The following RNASEH1 variants were observed in gnomAD, a reference collection of about 807,000 sequenced individuals.
RNASEH1 encodes the protein ribonuclease H1.
A neutral mutation model predicts 34.6 loss-of-function variants in RNASEH1; 27 were observed. The ratio of observed to expected loss-of-function variants is 0.78; its 90% CI spans 0.58 to 1.08. RNASEH1 has a LOEUF of 1.08. Ranked by LOEUF, RNASEH1 falls within the 50% of genes least tolerant of loss-of-function variation. The pLI, the probability that RNASEH1 is intolerant of heterozygous loss-of-function variation, is 0.00. For missense variants in RNASEH1, 349 were observed against 373.6 expected, an observed-to-expected ratio of 0.93 and a Z score of 0.54; for synonymous variants, 162 against 138.4, an observed-to-expected ratio of 1.17 and a Z score of -1.20.
At chr2:3,534,718 C>T in the RNASEH1 span, among the ~76,000 whole-genome samples, 20 of 152,352 alleles carry the variant, frequency 1.3e-4, no homozygotes, top group African/African-American at 2.6e-4. Flanking sequence ...ATCCTTGGGC[C>T]GAGTGAGGCC....
intron 5 of RNASEH1, 107 bp from the exon 6 acceptor site, chr2:3,548,831 TTC>T: frequency 2.5e-6 from 2 of 810,854 alleles, no homozygotes; most frequent in Non-Finnish European, 4.1e-6. Flanking sequence ...ACTGATTATA[TTC>T]TCTGTATGAA....
At chr2:3,534,618 C>T in the RNASEH1 span, among the ~76,000 whole-genome samples, 2 of 152,374 alleles carry the variant, frequency 1.3e-5, no homozygotes, top group African/African-American at 2.4e-5. Flanking sequence ...GCCGGCTGAG[C>T]GCGGATCCTG....
chr2:3,536,289 A>C, the RNASEH1 span, among the ~76,000 whole-genome samples: 1 of 152,210 alleles, frequency 6.6e-6, no homozygotes, highest in African/African-American at 2.4e-5. Flanking sequence ...GAGTCAGAGG[A>C]GCTGACTCGG....
chr2:3,551,939 G>C (rs550445630), intron 3 of RNASEH1, among the ~76,000 whole-genome samples: 35 of 152,312 alleles, frequency 2.3e-4, no homozygotes, highest in African/African-American at 5.5e-4. Context: ...TTACATGTAA[G>C]GGTTTTCCTA....
At chr2:3,554,138 G>A (rs1306540580) in intron 2 of RNASEH1, among the ~76,000 whole-genome samples, 2 of 152,156 alleles carry the variant, frequency 1.3e-5, no homozygotes, top group East Asian at 1.9e-4. Context: ...TAAGGGCGCC[G>A]GGCAACACTT....
intron 7 of RNASEH1, 71 bp from the exon 8 acceptor site, chr2:3,545,942 C>T: frequency 9.2e-7 from 1 of 1,089,102 alleles, no homozygotes; most frequent in South Asian, 1.3e-5. Context: ...ATATTGTCAT[C>T]ATAAAAAACC....
At position 3,548,968 on chromosome 2, in the gene RNASEH1, G is replaced by A. The variant is rs1669021711; in HGVS notation, c.564+90C>T. The A allele has an allele frequency of 3.7e-6, 4 of 1,066,868 alleles. No individual in the cohort carries two copies. In the South Asian group the frequency reaches 5.4e-5, roughly 14 times the overall value. The allele number at this position is 1,066,868 out of a possible 1,614,324, so 66.1% of individuals were successfully genotyped here. On this transcript the variant is annotated intron_variant, in intron 5 of 7. Transcript: ENST00000315212. ...CCGTCTCTCTTCAAATATCTTATAT[G>A]TATAGGTAGAAAAAAAAAGAATTAG...
intron 2 of RNASEH1, among the ~76,000 whole-genome samples, chr2:3,552,619 C>T (rs1320313245): frequency 2.7e-5 from 4 of 146,246 alleles, no homozygotes; most frequent in Non-Finnish European, 6.0e-5. Flanking sequence ...CCACCTCCAC[C>T]CCCTCCACAG....
chr2:3,548,204 C>CCAAAGCAA, intron 6 of RNASEH1, 149 bp from the exon 7 acceptor site: 1 of 891,820 alleles, frequency 1.1e-6, no homozygotes, highest in Non-Finnish European at 1.8e-6. Flanking sequence ...GTTGCTTTGG[C>CCAAAGCAA]CTTTGGCACA....
intron 2 of RNASEH1, among the ~76,000 whole-genome samples, chr2:3,555,208 T>C (rs1034198911): frequency 1.3e-5 from 2 of 150,890 alleles, no homozygotes; most frequent in African/African-American, 2.4e-5. Flanking sequence ...TTCTTTCCCC[T>C]TCCCTTAACA....
Position 3,552,230 on chromosome 2 carries a change from T to G in RNASEH1, c.323A>C (p.His108Pro), listed in dbSNP as rs201525462. The change falls in exon 3 of 8, where the codon CAT becomes CCT. Residue 108 changes from histidine (H) to proline (P), a missense_variant. Coordinates refer to ENST00000315212, the MANE Select transcript of RNASEH1 (RefSeq NM_002936.6). ...RLREPLDGDG[H>P]ESAEPYAKHM... is the part of the protein sequence containing the mutation. ...CTTTGCATACGGCTCTGCGCTTTCA[T>G]GTCCATCTCCATCCAGTGGCTCACG... 2 of 1,613,850 alleles carry G rather than the reference T, an allele frequency of 1.2e-6. No individual in the cohort carries two copies. The highest frequency in any genetic ancestry group is 2.2e-5 in the South Asian group (2 of 91,054).
chr2:3,536,424 T>A, the RNASEH1 span, among the ~76,000 whole-genome samples: 18 of 151,996 alleles, frequency 1.2e-4, no homozygotes, highest in South Asian at 3.7e-3. Flanking sequence ...CCCCTCCGAG[T>A]CCCCTCGTGG....
rs561979541 is a variant in RNASEH1 at position 3,548,803 on chromosome 2, T to C, written c.565-79A>G. 7.3e-5 allele frequency: 73 copies of C among 1,001,810 alleles called. No individual in the cohort carries two copies. The East Asian group carries it at 1.5e-3, about 21-fold the overall frequency. The allele number at this position is 1,001,810 out of a possible 1,614,324, so 62.1% of individuals were successfully genotyped here. On this transcript the variant is annotated intron_variant, in intron 5 of 7. Coordinates refer to ENST00000315212, the MANE Select transcript of RNASEH1 (RefSeq NM_002936.6). ...ACTAAAGTTCAAAAGTACTTCGAAA[T>C]TGAAACATCCCCTCTGTACTGATTA... is the stretch of plus-strand genomic sequence containing the variant.
intron 2 of RNASEH1, among the ~76,000 whole-genome samples, chr2:3,553,355 C>T (rs917639536): frequency 5.9e-5 from 9 of 151,704 alleles, no homozygotes; most frequent in African/African-American, 2.2e-4. Context: ...TCTTCTGCAA[C>T]GAAGTTTTTC....
chr2:3,546,542 GA>G (rs532573232), intron 7 of RNASEH1, among the ~76,000 whole-genome samples: 420 of 152,284 alleles, frequency 2.8e-3, no homozygotes, highest in African/African-American at 1.0e-2. Flanking sequence ...GCATTCCAAA[GA>G]AATGAACAGG....
At chr2:3,555,284 G>A (rs1572334780) in intron 2 of RNASEH1, among the ~76,000 whole-genome samples, 1 of 152,054 alleles carries the variant, frequency 6.6e-6, no homozygotes, top group Non-Finnish European at 1.5e-5. Context: ...CCATCTTCTT[G>A]ACTTGCTGGC....
chr2:3,541,188 G>T (rs909975545), downstream of RNASEH1, among the ~76,000 whole-genome samples: 1 of 152,030 alleles, frequency 6.6e-6, no homozygotes, highest in African/African-American at 2.4e-5. Flanking sequence ...AATTAGCCGG[G>T]TGTAGTGGCG....
At chr2:3,532,392 T>C in the RNASEH1 span, 1 of 701,612 alleles carries the variant, frequency 1.4e-6, no homozygotes, top group Non-Finnish European at 2.6e-6. Flanking sequence ...ACGTTCATTA[T>C]TTCAGTCACT....
intron 3 of RNASEH1, among the ~76,000 whole-genome samples, chr2:3,551,543 A>T (rs1399486527): frequency 6.6e-6 from 1 of 152,256 alleles, no homozygotes; most frequent in Non-Finnish European, 1.5e-5. Context: ...AGCTTGGCAA[A>T]ACATTTTCTA....
Sources: gnomAD v4.1 joint callset for allele counts (sites outside exome capture counted in the v4.1 genomes callset) on GRCh38, gnomAD v4.1.1 for gene constraint, MANE v1.5 for transcripts, NCBI Gene and HGNC (gene_info 2026-07-23, HGNC 2026-07-21) for gene names.